Variants in EYS observed in about 807,000 individuals in gnomAD.
EYS encodes the protein EGF-like photoreceptor maintenance factor.
A neutral mutation model predicts 282.1 loss-of-function variants in EYS; 250 were observed. That is an observed-to-expected ratio of 0.89 (90% CI 0.80 to 0.98). The LOEUF (loss-of-function observed/expected upper bound fraction) is 0.98, where lower values mean the gene tolerates loss of function less well. Ranked by LOEUF, EYS falls within the 50% of genes least tolerant of loss-of-function variation. The pLI is 0.00. For missense variants in EYS, 4,016 were observed against 3,709.0 expected, an observed-to-expected ratio of 1.08 and a Z score of -2.15; for synonymous variants, 1,355 against 1,282.9, an observed-to-expected ratio of 1.06 and a Z score of -1.20.
chr6:64,092,767 A>G (rs1772418136), intron 31 of EYS, among the ~76,000 whole-genome samples: 1 of 151,346 alleles, frequency 6.6e-6, no homozygotes, highest in South Asian at 2.1e-4. Context: ...ATTAGATCCC[A>G]TTTGTCAATT....
intron 30 of EYS, among the ~76,000 whole-genome samples, chr6:64,261,634 A>ATTATTCAAG (rs1478767894): frequency 6.6e-6 from 1 of 152,046 alleles, no homozygotes; most frequent in Non-Finnish European, 1.5e-5. Context: ...ATCATTTATT[A>ATTATTCAAG]TTATTCAAGT....
intron 22 of EYS, among the ~76,000 whole-genome samples, chr6:64,796,396 C>A (rs1774355222): frequency 6.6e-6 from 1 of 152,108 alleles, no homozygotes; most frequent in South Asian, 2.1e-4. Flanking sequence ...AAAAGACCAG[C>A]AGTGTGTTCT....
At chr6:63,922,548 A>G (rs1764602642) in intron 35 of EYS, among the ~76,000 whole-genome samples, 1 of 152,120 alleles carries the variant, frequency 6.6e-6, no homozygotes, top group South Asian at 2.1e-4. Context: ...GGGTGACAGA[A>G]TGAGACTCTG....
At chr6:65,547,179 A>C (rs1480721599) in intron 2 of EYS, among the ~76,000 whole-genome samples, 1 of 150,774 alleles carries the variant, frequency 6.6e-6, no homozygotes, top group Non-Finnish European at 1.5e-5. Context: ...TTCTTATGCA[A>C]AATGTTCTTT....
At position 64,813,557 on chromosome 6, in the gene EYS, A is replaced by G. The variant is rs1316876670; in HGVS notation, c.3264T>C (p.Cys1088=). 2 of 1,549,148 alleles carry G rather than the reference A, an allele frequency of 1.3e-6. No homozygotes were observed. Among genetic ancestry groups the G allele is most frequent in the Non-Finnish European group, 1.7e-6 (2 of 1,145,398 alleles). ...ACTTCTGACAGAAGCCTTCATTCATACAAGGGATTGATGTGCAGTCCTAGA... is the reference window on the plus strand; with the variant it reads ...ACTTCTGACAGAAGCCTTCATTCATGCAAGGGATTGATGTGCAGTCCTAGA... ...IKINDCTSIP[C]MNEGFCQKSA... The change falls in exon 22 of 43, where the codon TGT becomes TGC. Residue 1088 remains cysteine (C), a synonymous_variant. Coordinates refer to ENST00000503581, the MANE Select transcript of EYS (RefSeq NM_001142800.2).
At chr6:65,458,590 G>A (rs562550544) in intron 5 of EYS, among the ~76,000 whole-genome samples, 1 of 152,124 alleles carries the variant, frequency 6.6e-6, no homozygotes, top group African/African-American at 2.4e-5. Flanking sequence ...CAAAGCTGAA[G>A]TAATGTCACT....
intron 22 of EYS, among the ~76,000 whole-genome samples, chr6:64,627,176 A>G (rs1767636593): frequency 6.6e-6 from 1 of 152,240 alleles, no homozygotes; most frequent in Admixed American, 6.5e-5. Flanking sequence ...AATGCTAAGA[A>G]TACAAACGTA....
intron 26 of EYS, among the ~76,000 whole-genome samples, chr6:64,444,780 G>C (rs928837487): frequency 2.0e-5 from 3 of 152,266 alleles, no homozygotes; most frequent in African/African-American, 7.2e-5. Context: ...TGAATGGCTT[G>C]GTGCCATCTT....
intron 41 of EYS, among the ~76,000 whole-genome samples, chr6:63,750,496 T>C (rs114176309): frequency 0.012 from 1,832 of 152,322 alleles, 29 homozygotes; most frequent in African/African-American, 0.042. Context: ...GCATTTCTAA[T>C]ATTCCACTCC....
intron 22 of EYS, among the ~76,000 whole-genome samples, chr6:64,799,267 T>A (rs1267611379): frequency 6.6e-6 from 1 of 151,962 alleles, no homozygotes; most frequent in Non-Finnish European, 1.5e-5. Flanking sequence ...TCCATTTTTT[T>A]CTTATGCTTT....
chr6:64,975,921 A>C (rs1770462926), intron 14 of EYS, among the ~76,000 whole-genome samples: 1 of 151,918 alleles, frequency 6.6e-6, no homozygotes, highest in South Asian at 2.1e-4. Context: ...TTTTTTAAAA[A>C]AAGCTAATTT....
chr6:64,904,236 A>G (rs1289901269), intron 16 of EYS, among the ~76,000 whole-genome samples: 1 of 152,318 alleles, frequency 6.6e-6, no homozygotes, highest in East Asian at 1.9e-4. Context: ...AGGACAAGCA[A>G]TATTTTTAAT....
intron 5 of EYS, among the ~76,000 whole-genome samples, chr6:65,407,075 T>A (rs1010888172): frequency 1.3e-5 from 2 of 152,130 alleles, no homozygotes; most frequent in African/African-American, 4.8e-5. Context: ...CCAACAAGAT[T>A]GAATTCCAAT....
At chr6:63,827,867 A>G (rs753582209) in intron 36 of EYS, among the ~76,000 whole-genome samples, 1,440 of 118,036 alleles carry the variant, frequency 0.012, 18 homozygotes, top group Non-Finnish European at 0.019. Flanking sequence ...AAAAAAAAAA[A>G]AAAAGAAATT....
intron 28 of EYS, among the ~76,000 whole-genome samples, chr6:64,433,192 G>A (rs1774627464): frequency 6.6e-6 from 1 of 151,872 alleles, no homozygotes; most frequent in African/African-American, 2.4e-5. Flanking sequence ...TTTCTTCCCA[G>A]TTCTATAAGG....
chr6:63,941,418 A>G (rs989031099), intron 35 of EYS, among the ~76,000 whole-genome samples: 16 of 152,226 alleles, frequency 1.1e-4, no homozygotes, highest in Non-Finnish European at 1.6e-4. Context: ...TTTGATTTGC[A>G]TTTCTCTGAT....
chr6:64,410,461 T>C (rs1232688814), intron 28 of EYS, among the ~76,000 whole-genome samples: 2 of 152,136 alleles, frequency 1.3e-5, no homozygotes, highest in African/African-American at 4.8e-5. Context: ...GAAGCAAGAA[T>C]TGAAACTGTC....
intron 35 of EYS, among the ~76,000 whole-genome samples, chr6:63,921,543 A>G (rs321486): frequency 1 from 151,919 of 152,334 alleles, 75,754 homozygotes; most frequent in Middle Eastern, 1. Context: ...GCTGGTTCAC[A>G]CTCCCGCTGA....
At chr6:64,339,444 C>A (rs1271757120) in intron 29 of EYS, among the ~76,000 whole-genome samples, 1 of 151,820 alleles carries the variant, frequency 6.6e-6, no homozygotes, top group Non-Finnish European at 1.5e-5. Flanking sequence ...CTTACTCCTG[C>A]AAGTATGGTC....
Sources: allele counts gnomAD v4.1 joint callset (sites outside exome capture counted in the v4.1 genomes callset), GRCh38; gene constraint gnomAD v4.1.1; transcripts MANE v1.5; gene names NCBI Gene and HGNC (gene_info 2026-07-23, HGNC 2026-07-21).